ZFPM1: variants seen among roughly 807,000 people sequenced by gnomAD.
ZFPM1 encodes zinc finger protein ZFPM1.
ZFPM1 carries 28 observed loss-of-function variants against 46.3 expected under a neutral mutation model. The observed-to-expected ratio is 0.60, with a 90% CI of 0.45 to 0.83. The LOEUF (loss-of-function observed/expected upper bound fraction) is 0.83, where lower values mean the gene tolerates loss of function less well. ZFPM1 is among the 40% of genes least tolerant of loss of function. The probability of loss-of-function intolerance (pLI) is 0.00; values close to 1 mark genes in which losing one functional copy is unlikely to be tolerated. For synonymous variants in ZFPM1, 957 were observed against 675.9 expected (o/e 1.42, Z -6.45); for missense variants, 1,878 against 1,432.4 (o/e 1.31, Z -5.02).
chr16:88,535,037 CCGCCCCCAGGCCGCA>C lies in ZFPM1; in HGVS notation c.*61_*75del. ...GCCCCGCTGCGATGCGGGGAGGGGG[CCGCCCCCAGGCCGCA>C]CGGACTGCCGCTCCTGGGAACCCCG... On this transcript the variant is annotated 3_prime_UTR_variant, in exon 10 of 10. Transcript: ENST00000319555. 1 of 1,351,802 alleles carries C rather than the reference CCGCCCCCAGGCCGCA, an allele frequency of 7.4e-7. No individual in the cohort carries two copies. The highest frequency in any genetic ancestry group is 1.9e-5 in the South Asian group (1 of 53,326). 83.7% of individuals were successfully genotyped at this position (1,351,802 alleles called of 1,614,324 possible).
At chr16:88,504,574 A>G (rs1334197802) in intron 3 of ZFPM1, among the ~76,000 whole-genome samples, 1 of 152,028 alleles carries the variant, frequency 6.6e-6, no homozygotes, top group Non-Finnish European at 1.5e-5. Context: ...TGGCAGAGAC[A>G]CCGCCCAGGG....
intron 1 of ZFPM1, among the ~76,000 whole-genome samples, chr16:88,472,472 G>T (rs1908471463): frequency 6.6e-6 from 1 of 150,818 alleles, no homozygotes. Context: ...TCCTGCCTCA[G>T]CCTCCTGAGT....
intron 2 of ZFPM1, among the ~76,000 whole-genome samples, chr16:88,488,114 C>T (rs1045756918): frequency 2.3e-4 from 35 of 152,328 alleles, no homozygotes; most frequent in African/African-American, 3.8e-4. Flanking sequence ...ATGTGGACTC[C>T]GAGGCCCTTG....
intron 3 of ZFPM1, among the ~76,000 whole-genome samples, chr16:88,505,647 A>G (rs1597259089): frequency 6.6e-6 from 1 of 152,068 alleles, no homozygotes; most frequent in Non-Finnish European, 1.5e-5. Context: ...CATACCTGGC[A>G]TCTACCATTC....
intron 4 of ZFPM1, among the ~76,000 whole-genome samples, chr16:88,522,853 G>A (rs1002451127): frequency 7.9e-5 from 12 of 152,194 alleles, no homozygotes; most frequent in Admixed American, 5.9e-4. Flanking sequence ...GAAGATGGCC[G>A]CAGCACCCAC....
In ZFPM1 at chr16:88,528,071, C is replaced by A; in HGVS notation, c.545C>A (p.Ala182Glu). The A allele has an allele frequency of 3.2e-6, 5 of 1,563,412 alleles. No individual in the cohort carries two copies. The highest frequency in any genetic ancestry group is 3.5e-6 in the Non-Finnish European group (4 of 1,154,108). Residue 182 changes from alanine to glutamate, a missense_variant, in exon 6 of 10, where the codon GCG becomes GAG. By Grantham distance (107) the Ala-to-Glu change is moderately radical. Transcript: ENST00000319555. ...LWCRVTKPVP[A>E]GGLLSVLLTA... Reference sequence around the variant, plus strand: ...TGCAGGGTCACCAAGCCGGTGCCTGCGGGGGGACTCCTGAGCGTGCTCCTC... The same window carrying A: ...TGCAGGGTCACCAAGCCGGTGCCTGAGGGGGGACTCCTGAGCGTGCTCCTC...
At position 88,534,826 on chromosome 16, in the gene ZFPM1, C is replaced by T. The variant is rs747200324; in HGVS notation, c.2868C>T (p.Gly956=). ...CGCCCCCCTCCTACTCGGACAAGGG[C>T]GTCCAGACTCCCAGCAAGGGCACGC... ...PPAPPSYSDK[G]VQTPSKGTPA... Residue 956 remains glycine (G), a synonymous_variant, in exon 10 of 10, where the codon GGC becomes GGT. Transcript: ENST00000319555. The T allele has an allele frequency of 5.8e-6, 9 of 1,543,082 alleles. No individual in the cohort carries two copies. In the Admixed American group the frequency reaches 7.5e-5, roughly 13 times the overall value.
intron 3 of ZFPM1, among the ~76,000 whole-genome samples, chr16:88,502,604 G>A (rs1216869151): frequency 6.6e-6 from 1 of 152,188 alleles, no homozygotes; most frequent in Admixed American, 6.5e-5. Context: ...GGAGGCAGTG[G>A]CCTTGGTGAC....
Position 88,478,085 on chromosome 16 carries a change from A to G in ZFPM1, c.41-7854A>G, listed in dbSNP as rs188255148. On this transcript the variant is annotated intron_variant, in intron 1 of 9. Coordinates refer to ENST00000319555, the MANE Select transcript of ZFPM1 (RefSeq NM_153813.3). ...TGTCTGCCTCTTGGTGGAGCCGCTCAACCGCCATGTCTCCCCTGCCCCAGG... is the reference window on the plus strand; with the variant it reads ...TGTCTGCCTCTTGGTGGAGCCGCTCGACCGCCATGTCTCCCCTGCCCCAGG... 6.3e-3 allele frequency among the ~76,000 whole-genome samples: 964 copies of G among 152,150 alleles called. 3 individuals carry two copies. The highest frequency in any genetic ancestry group is 0.011 in the Non-Finnish European group (755 of 67,982).
At chr16:88,462,210 C>A (rs968273144) in intron 1 of ZFPM1, among the ~76,000 whole-genome samples, 2 of 152,212 alleles carry the variant, frequency 1.3e-5, no homozygotes, top group Non-Finnish European at 2.9e-5. Flanking sequence ...GTCTTGGGAG[C>A]CTCAGCTTCC....
rs1913006965 is a variant in ZFPM1, at chr16:88,533,736, A to C, written c.1778A>C (p.Tyr593Ser). The change falls in exon 10 of 10, where the codon TAC (tyrosine) becomes TCC (serine). Residue 593 changes from tyrosine to serine, a missense_variant. Physicochemically the swap from Tyr to Ser is moderately radical, Grantham distance 144. Transcript: ENST00000319555. ...ACCTTCAGCAACGTCAACAACTACT[A>C]CGTGCACAAGCGCCTCTACTGTTCA... ...EITFSNVNNYYVHKRLYCSGR... is the reference protein window; with the variant it reads ...EITFSNVNNYSVHKRLYCSGR... 9 of 1,445,296 alleles carry C rather than the reference A, an allele frequency of 6.2e-6. No individual in the cohort carries two copies. Among genetic ancestry groups the C allele is most frequent in the East Asian group, 6.7e-5 (2 of 29,958 alleles). 89.5% of individuals were successfully genotyped at this position (1,445,296 alleles called of 1,614,324 possible).
At chr16:88,482,285 G>A (rs771666943) in intron 1 of ZFPM1, among the ~76,000 whole-genome samples, 1 of 152,056 alleles carries the variant, frequency 6.6e-6, no homozygotes, top group African/African-American at 2.4e-5. Context: ...GGCCACAGAC[G>A]AGACCGGTGC....
chr16:88,492,906 G>C (rs1041547819), intron 3 of ZFPM1, among the ~76,000 whole-genome samples: 2 of 152,216 alleles, frequency 1.3e-5, no homozygotes, highest in African/African-American at 4.8e-5. Flanking sequence ...GGCACACAAG[G>C]ACTTTGTAAG....
intron 3 of ZFPM1, among the ~76,000 whole-genome samples, chr16:88,501,131 G>GT (rs1567540976): frequency 8.4e-6 from 1 of 119,648 alleles, no homozygotes; most frequent in Non-Finnish European, 1.7e-5. Context: ...ACATGGATGC[G>GT]GGGGCCATCC....
upstream of ZFPM1, among the ~76,000 whole-genome samples, chr16:88,452,081 G>A (rs1473952432): frequency 6.6e-6 from 1 of 151,984 alleles, no homozygotes; most frequent in Non-Finnish European, 1.5e-5. Flanking sequence ...AGGTGGGAGG[G>A]GTCCTTCCTG....
In ZFPM1 at chr16:88,535,021, C is replaced by G; in HGVS notation, c.*42C>G. The G allele has an allele frequency of 7.4e-7, 1 of 1,353,974 alleles. No homozygotes were observed. Among genetic ancestry groups the G allele is most frequent in the Non-Finnish European group, 9.6e-7 (1 of 1,044,502 alleles). 83.9% of individuals were successfully genotyped at this position (1,353,974 alleles called of 1,614,324 possible). On this transcript the variant is annotated 3_prime_UTR_variant, in exon 10 of 10. Coordinates refer to ENST00000319555, the MANE Select transcript of ZFPM1 (RefSeq NM_153813.3). ...CGCAGACGCTTTGCACGCCCCGCTG[C>G]GATGCGGGGAGGGGGCCGCCCCCAG...
intron 3 of ZFPM1, among the ~76,000 whole-genome samples, chr16:88,499,156 C>T (rs560521269): frequency 7.2e-5 from 11 of 152,260 alleles, no homozygotes; most frequent in African/African-American, 2.6e-4. Context: ...GCTGACCTCC[C>T]GCACCCACCC....
rs1007858843 is a variant in ZFPM1 at position 88,535,257 on chromosome 16, C to T, written c.*278C>T. Reference sequence around the variant, plus strand: ...GCTGTGTACACAGGCCACTGCGGCCCGGAGTGGCTGGGCCCCTGCCGGAGT... The same window carrying T: ...GCTGTGTACACAGGCCACTGCGGCCTGGAGTGGCTGGGCCCCTGCCGGAGT... On this transcript the variant is annotated 3_prime_UTR_variant, in exon 10 of 10. Coordinates refer to ENST00000319555, the MANE Select transcript of ZFPM1 (RefSeq NM_153813.3). 1.4e-5 allele frequency: 4 copies of T among 287,856 alleles called. No homozygotes were observed. Among genetic ancestry groups the T allele is most frequent in the African/African-American group, 6.6e-5 (3 of 45,520 alleles). The allele number at this position is 287,856 out of a possible 1,614,324, so 17.8% of individuals were successfully genotyped here. A position where few individuals can be genotyped will look rare whatever the true frequency, so the allele number is the denominator to read the frequency against.
chr16:88,528,238 A>G lies in ZFPM1; in HGVS notation c.712A>G (p.Lys238Glu), dbSNP rs749801729. The stretch of plus-strand genomic sequence containing the variant: ...CATCCTTGCCACCGCAGTGATCAAC[A>G]GTAAGTGCTGGGCTCTCCGCACCCA... ...ASILATAVIN[K>E]DVFPCKDCGI... The change falls in exon 6 of 10, where the codon AAA becomes GAA. Residue 238 changes from lysine (K) to glutamate (E), a missense_variant and splice_region_variant. Coordinates refer to ENST00000319555, the MANE Select transcript of ZFPM1 (RefSeq NM_153813.3). 6.2e-7 allele frequency: 1 copy of G among 1,604,604 alleles called. No homozygotes were observed. The highest frequency in any genetic ancestry group is 8.5e-7 in the Non-Finnish European group (1 of 1,175,878).
Sources: gnomAD v4.1 joint callset for allele counts (sites outside exome capture counted in the v4.1 genomes callset) on GRCh38, gnomAD v4.1.1 for gene constraint, MANE v1.5 for transcripts, NCBI Gene and HGNC (gene_info 2026-07-23, HGNC 2026-07-21) for gene names.